The following PLXNA4 variants were observed in gnomAD, a reference collection of about 807,000 sequenced individuals.
PLXNA4 encodes plexin A4.
Under a neutral mutation model 191.8 loss-of-function variants are expected in PLXNA4, and 44 were observed. The observed-to-expected ratio is 0.23, with a 90% CI of 0.18 to 0.29. PLXNA4 has a LOEUF of 0.29. Among genes scored for constraint, PLXNA4 ranks in the 10% least tolerant of loss-of-function variants. The pLI, the probability that PLXNA4 is intolerant of heterozygous loss-of-function variation, is 1.00. For synonymous variants in PLXNA4, 1,082 were observed against 1,009.5 expected (o/e 1.07, Z -1.36); for missense variants, 1,800 against 2,488.8 (o/e 0.72, Z 5.89).
intron 4 of PLXNA4, among the ~76,000 whole-genome samples, chr7:132,272,551 C>A (rs1800116492): frequency 6.6e-6 from 1 of 152,156 alleles, no homozygotes. Context: ...TAGTTTCATT[C>A]CTGCCTAAAT....
At chr7:132,571,421 C>CATAG (rs1414142946) in intron 1 of PLXNA4, among the ~76,000 whole-genome samples, 1 of 152,216 alleles carries the variant, frequency 6.6e-6, no homozygotes, top group Non-Finnish European at 1.5e-5. Context: ...CTGCAACCAC[C>CATAG]ATAGGATCCA....
chr7:132,491,608 A>G (rs2117544735), intron 2 of PLXNA4, among the ~76,000 whole-genome samples: 1 of 151,504 alleles, frequency 6.6e-6, no homozygotes, highest in East Asian at 2.0e-4. Context: ...GCCCAGGCCA[A>G]ACACAGCTCT....
chr7:132,627,955 T>C (rs1204175143), intron 2 of PLXNA4, among the ~76,000 whole-genome samples: 1 of 152,236 alleles, frequency 6.6e-6, no homozygotes, highest in Admixed American at 6.5e-5. Context: ...ATATTTCTTC[T>C]CAATATGTTT....
At chr7:132,476,697 G>A (rs77577772) in intron 3 of PLXNA4, among the ~76,000 whole-genome samples, 2 of 152,158 alleles carry the variant, frequency 1.3e-5, no homozygotes, top group South Asian at 4.1e-4. Flanking sequence ...GGAAGTGGGG[G>A]AATCTCTGGA....
intron 3 of PLXNA4, among the ~76,000 whole-genome samples, chr7:132,380,642 G>A (rs1021964884): frequency 2.0e-5 from 3 of 152,170 alleles, no homozygotes; most frequent in Admixed American, 6.5e-5. Flanking sequence ...AAAGAGACAG[G>A]ACGATTTAAA....
At chr7:132,301,304 A>C (rs1801296553) in intron 3 of PLXNA4, among the ~76,000 whole-genome samples, 1 of 152,240 alleles carries the variant, frequency 6.6e-6, no homozygotes, top group Non-Finnish European at 1.5e-5. Context: ...TTTAGGTAGA[A>C]TGGACCAGCT....
intron 3 of PLXNA4, among the ~76,000 whole-genome samples, chr7:132,486,035 C>T (rs982541634): frequency 1.1e-4 from 17 of 152,132 alleles, no homozygotes; most frequent in Admixed American, 6.6e-5. Context: ...TTAGCATCCC[C>T]CCAAGCTCTC....
Position 132,508,705 on chromosome 7 carries a change from G to A in PLXNA4, c.-12C>T. The A allele has an allele frequency of 1.3e-6, 2 of 1,492,806 alleles. No homozygotes were observed. Among genetic ancestry groups the A allele is most frequent in the East Asian group, 2.5e-5 (1 of 40,676 alleles). 92.5% of individuals were successfully genotyped at this position (1,492,806 alleles called of 1,614,324 possible). A position where few individuals can be genotyped will look rare whatever the true frequency, so the allele number is the denominator to read the frequency against. On this transcript the variant is annotated 5_prime_UTR_variant, in exon 2 of 32. Transcript: ENST00000321063. This position sits in a 1 kb window ranked among gnomAD's most constrained non-coding sequence, Gnocchi z 4.4. Reference sequence around the variant, plus strand: ...GGCATGGCTTTCATGGCAGAGGCGGGTCCCAGTGGCACAGCAGCACTCAGG... The same window carrying A: ...GGCATGGCTTTCATGGCAGAGGCGGATCCCAGTGGCACAGCAGCACTCAGG...
chr7:132,164,652 TG>T (rs1402256494), intron 23 of PLXNA4, among the ~76,000 whole-genome samples: 3 of 151,172 alleles, frequency 2.0e-5, no homozygotes, highest in Admixed American at 6.6e-5. Flanking sequence ...AGGTCAGTCC[TG>T]GGTGGCAAGA....
At chr7:132,421,806 C>G (rs1794860838) in intron 3 of PLXNA4, among the ~76,000 whole-genome samples, 1 of 152,080 alleles carries the variant, frequency 6.6e-6, no homozygotes, top group African/African-American at 2.4e-5. Flanking sequence ...CAAGAGCATC[C>G]CAGAACCTCT....
intron 4 of PLXNA4, among the ~76,000 whole-genome samples, chr7:132,246,051 C>T (rs1799038839): frequency 6.6e-6 from 1 of 152,196 alleles, no homozygotes; most frequent in African/African-American, 2.4e-5. Context: ...CTTACAAATG[C>T]ACACTTAGAA....
At chr7:132,162,819 G>T (rs895280124) in intron 24 of PLXNA4, among the ~76,000 whole-genome samples, 1 of 152,106 alleles carries the variant, frequency 6.6e-6, no homozygotes, top group Non-Finnish European at 1.5e-5. Flanking sequence ...TGGAAAATGA[G>T]AGTGGGATAG....
chr7:132,197,543 G>T (rs530558341), intron 13 of PLXNA4, among the ~76,000 whole-genome samples: 1 of 152,126 alleles, frequency 6.6e-6, no homozygotes, highest in African/African-American at 2.4e-5. Context: ...TTCTAGAAAG[G>T]TGTCAGAAAG....
At chr7:132,644,009 G>C (rs1207263982) in intron 2 of PLXNA4, among the ~76,000 whole-genome samples, 1 of 152,126 alleles carries the variant, frequency 6.6e-6, no homozygotes, top group Non-Finnish European at 1.5e-5. Context: ...GTAAAAATAA[G>C]TATTATTTTG....
chr7:132,225,479 A>G (rs73501729), intron 8 of PLXNA4, among the ~76,000 whole-genome samples: 28,106 of 152,208 alleles, frequency 0.18, 3,019 homozygotes, highest in African/African-American at 0.31. Context: ...ACTGGGGCAC[A>G]GAAGGGTTGA....
intron 1 of PLXNA4, among the ~76,000 whole-genome samples, chr7:132,559,732 A>G (rs139678039): frequency 5.9e-5 from 9 of 152,334 alleles, no homozygotes; most frequent in East Asian, 1.9e-4. Context: ...ATCTCCTACA[A>G]CAAATGAAGA....
intron 3 of PLXNA4, among the ~76,000 whole-genome samples, chr7:132,459,351 C>A (rs534424863): frequency 6.6e-6 from 1 of 152,262 alleles, no homozygotes; most frequent in African/African-American, 2.4e-5. Flanking sequence ...AAACGATCTC[C>A]CACCCCTTTT....
chr7:132,419,950 A>G (rs1328635179), intron 3 of PLXNA4, among the ~76,000 whole-genome samples: 1 of 152,142 alleles, frequency 6.6e-6, no homozygotes, highest in African/African-American at 2.4e-5. Flanking sequence ...CGGAAAAAAA[A>G]TCCTTAGCTT....
At chr7:132,338,621 A>G (rs1802907947) in intron 3 of PLXNA4, among the ~76,000 whole-genome samples, 2 of 152,360 alleles carry the variant, frequency 1.3e-5, no homozygotes, top group South Asian at 4.1e-4. Flanking sequence ...ATAGACAGCC[A>G]GATATCTTCT....
Sources: allele counts gnomAD v4.1 joint callset (sites outside exome capture counted in the v4.1 genomes callset), GRCh38; gene constraint gnomAD v4.1.1; non-coding constraint Gnocchi (gnomAD v3.1); transcripts MANE v1.5; gene names NCBI Gene and HGNC (gene_info 2026-07-23, HGNC 2026-07-21).